FAM107B: variants seen among roughly 807,000 people sequenced by gnomAD.
FAM107B encodes the protein protein FAM107B.
In FAM107B, 21 loss-of-function variants were observed where a neutral mutation model predicts 31.5. The ratio of observed to expected loss-of-function variants is 0.67; its 90% CI spans 0.47 to 0.96. FAM107B has a LOEUF of 0.96. FAM107B is among the 40% of genes least tolerant of loss of function. The pLI is 0.00. For synonymous variants in FAM107B, 157 were observed against 141.5 expected (o/e 1.11, Z -0.78); for missense variants, 452 against 377.1 (o/e 1.20, Z -1.64).
intron 2 of FAM107B, among the ~76,000 whole-genome samples, chr10:14,660,797 G>T (rs1396292619): frequency 6.6e-6 from 1 of 152,136 alleles, no homozygotes; most frequent in Non-Finnish European, 1.5e-5. Flanking sequence ...AAAAGGCAGA[G>T]CAACCCATAG....
rs1188685556 is a variant in FAM107B, at chr10:14,672,030, T to C, written c.412-4339A>G. 2.0e-5 allele frequency among the ~76,000 whole-genome samples: 3 copies of C among 152,030 alleles called. No homozygotes were observed. The East Asian group carries it at 5.8e-4, about 29-fold the overall frequency. On this transcript the variant is annotated intron_variant, in intron 1 of 4. Transcript: ENST00000181796. ...GGGAAATCAGGAGTCAGGCATGCAT[T>C]GGTTCTGTACATTGGTTCTGTACCT...
At chr10:14,688,816 C>G (rs1057151832) in intron 1 of FAM107B, among the ~76,000 whole-genome samples, 4 of 152,218 alleles carry the variant, frequency 2.6e-5, no homozygotes, top group African/African-American at 9.7e-5. Flanking sequence ...ACAGCTGCTG[C>G]TAACACAATC....
At chr10:14,688,268 C>T (rs1855038133) in intron 1 of FAM107B, among the ~76,000 whole-genome samples, 1 of 152,238 alleles carries the variant, frequency 6.6e-6, no homozygotes, top group Non-Finnish European at 1.5e-5. Context: ...GCACTGTCGG[C>T]TTCCCTACTT....
chr10:14,595,076 A>G (rs988782641), intron 2 of FAM107B, among the ~76,000 whole-genome samples: 3 of 152,080 alleles, frequency 2.0e-5, no homozygotes, highest in Non-Finnish European at 2.9e-5. Flanking sequence ...GACAAGAGAA[A>G]AGATCACTGA....
At chr10:14,659,244 C>T (rs1854156842) in intron 2 of FAM107B, among the ~76,000 whole-genome samples, 1 of 152,046 alleles carries the variant, frequency 6.6e-6, no homozygotes, top group Non-Finnish European at 1.5e-5. Context: ...AGTTTGAGAC[C>T]AGCCTCACCA....
chr10:14,719,451 T>C lies in FAM107B; in HGVS notation c.412-51760A>G, dbSNP rs11259291. On this transcript the variant is annotated intron_variant, in intron 1 of 4. Transcript: ENST00000181796. ...AGAATCGAAATGAAATCCATTCATGTTCTTTCAACGAACATAAATATTTTG... is the reference window on the plus strand; with the variant it reads ...AGAATCGAAATGAAATCCATTCATGCTCTTTCAACGAACATAAATATTTTG... Among the ~76,000 whole-genome samples the C allele has an allele frequency of 5.3e-5, 8 of 152,284 alleles. No individual in the cohort carries two copies. In the East Asian group the frequency reaches 1.5e-3, roughly 29 times the overall value.
At chr10:14,677,670 C>G (rs1246179921) in intron 1 of FAM107B, among the ~76,000 whole-genome samples, 1 of 152,030 alleles carries the variant, frequency 6.6e-6, no homozygotes, top group African/African-American at 2.4e-5. Context: ...AACCCCACAC[C>G]CAGAGATTCT....
chr10:14,594,506 A>AC (rs1852119147), intron 2 of FAM107B, among the ~76,000 whole-genome samples: 1 of 136,854 alleles, frequency 7.3e-6, no homozygotes, highest in Admixed American at 7.0e-5. Flanking sequence ...CCTGCCAAAA[A>AC]AAAAAAAAAA....
intron 1 of FAM107B, among the ~76,000 whole-genome samples, chr10:14,681,890 A>C (rs1854845392): frequency 6.6e-6 from 1 of 152,248 alleles, no homozygotes; most frequent in African/African-American, 2.4e-5. Flanking sequence ...GGTAATAGCG[A>C]GAGAGTTTAG....
intron 1 of FAM107B, among the ~76,000 whole-genome samples, chr10:14,670,966 A>T (rs1854525338): frequency 6.6e-6 from 1 of 152,220 alleles, no homozygotes; most frequent in African/African-American, 2.4e-5. Context: ...AAGCTAGAAT[A>T]AAATGACAAC....
intron 1 of FAM107B, among the ~76,000 whole-genome samples, chr10:14,710,698 T>G: frequency 6.6e-6 from 1 of 151,856 alleles, no homozygotes; most frequent in South Asian, 2.1e-4. Context: ...TTCTTCACTC[T>G]TAACAAAAAA....
At chr10:14,600,925 G>A (rs929400199) in intron 2 of FAM107B, among the ~76,000 whole-genome samples, 11 of 152,042 alleles carry the variant, frequency 7.2e-5, no homozygotes, top group East Asian at 3.9e-4. Flanking sequence ...ACAGGAGCGC[G>A]CTGCCACACC....
At chr10:14,759,492 A>G (rs1195406979) in intron 1 of FAM107B, among the ~76,000 whole-genome samples, 1 of 152,110 alleles carries the variant, frequency 6.6e-6, no homozygotes, top group African/African-American at 2.4e-5. Context: ...GCACTTATCA[A>G]ATGACACTGC....
At chr10:14,547,163 C>G (rs1232258605) in intron 2 of FAM107B, among the ~76,000 whole-genome samples, 1 of 152,172 alleles carries the variant, frequency 6.6e-6, no homozygotes, top group African/African-American at 2.4e-5. Flanking sequence ...CCGGCAGAAG[C>G]AAGCTAAACG....
At chr10:14,753,376 C>A (rs1013654179) in intron 1 of FAM107B, among the ~76,000 whole-genome samples, 3 of 152,234 alleles carry the variant, frequency 2.0e-5, no homozygotes, top group African/African-American at 4.8e-5. Context: ...AACCCCGTTA[C>A]ATCAAAGCCG....
At chr10:14,632,465 G>T (rs1017706160) in intron 2 of FAM107B, among the ~76,000 whole-genome samples, 1 of 151,700 alleles carries the variant, frequency 6.6e-6, no homozygotes. Flanking sequence ...CAAAATATTA[G>T]CTGGGCGTGG....
chr10:14,728,108 C>T (rs1268913597), intron 1 of FAM107B, among the ~76,000 whole-genome samples: 1 of 152,162 alleles, frequency 6.6e-6, no homozygotes, highest in Non-Finnish European at 1.5e-5. Context: ...AATGAAATGT[C>T]CACCCAACAC....
chr10:14,536,097 G>A (rs1253676241), intron 2 of FAM107B, among the ~76,000 whole-genome samples: 2 of 152,198 alleles, frequency 1.3e-5, no homozygotes, highest in Non-Finnish European at 2.9e-5. Context: ...CTGGTTCCAT[G>A]TCTGCATATT....
intron 2 of FAM107B, chr10:14,556,291 G>T: frequency 2.1e-6 from 2 of 951,746 alleles, no homozygotes; most frequent in Non-Finnish European, 2.5e-6. Context: ...ATTTGATATC[G>T]GAAATTTACA....
Sources: allele counts gnomAD v4.1 joint callset (sites outside exome capture counted in the v4.1 genomes callset), GRCh38; gene constraint gnomAD v4.1.1; transcripts MANE v1.5; gene names NCBI Gene and HGNC (gene_info 2026-07-23, HGNC 2026-07-21).